Variants in MYO16 observed in about 807,000 individuals in gnomAD.
MYO16 encodes the protein myosin XVI, also known as unconventional myosin-XVI.
A neutral mutation model predicts 205.3 loss-of-function variants in MYO16; 94 were observed. That is an observed-to-expected ratio of 0.46 (90% CI 0.39 to 0.54). The LOEUF (loss-of-function observed/expected upper bound fraction) is 0.54, where lower values mean the gene tolerates loss of function less well. MYO16 is among the 20% of genes least tolerant of loss of function. The probability of loss-of-function intolerance (pLI) is 0.00; values close to 1 mark genes in which losing one functional copy is unlikely to be tolerated. For synonymous variants in MYO16, 988 were observed against 954.0 expected, an observed-to-expected ratio of 1.04 and a Z score of -0.66; for missense variants, 2,315 against 2,387.5, an observed-to-expected ratio of 0.97 and a Z score of 0.63.
chr13:108,624,784 A>AGT (rs6145237), upstream of MYO16, among the ~76,000 whole-genome samples: 135 of 90,846 alleles, frequency 1.5e-3, 1 homozygote, highest in African/African-American at 3.8e-3. Flanking sequence ...ATATAGCCTG[A>AGT]GTGTGTGTGT....
intron 15 of MYO16, among the ~76,000 whole-genome samples, chr13:108,899,359 G>T (rs1246474164): frequency 6.6e-6 from 1 of 151,642 alleles, no homozygotes; most frequent in Admixed American, 6.6e-5. Flanking sequence ...GGAGGCGGAG[G>T]TTGCAGTAAG....
At chr13:108,858,524 C>T (rs1057043742) in intron 11 of MYO16, among the ~76,000 whole-genome samples, 1 of 152,090 alleles carries the variant, frequency 6.6e-6, no homozygotes, top group Non-Finnish European at 1.5e-5. Flanking sequence ...TCCTTCCACA[C>T]CCCACATCTG....
At chr13:108,740,824 T>C (rs554062387) in intron 4 of MYO16, among the ~76,000 whole-genome samples, 7 of 151,624 alleles carry the variant, frequency 4.6e-5, no homozygotes, top group African/African-American at 1.7e-4. Flanking sequence ...TACTCAAGCC[T>C]CAGCAATGGC....
upstream of MYO16, among the ~76,000 whole-genome samples, chr13:108,624,626 C>A (rs1879663578): frequency 6.6e-6 from 1 of 152,256 alleles, no homozygotes; most frequent in East Asian, 1.9e-4. Context: ...AAGTGAAAAA[C>A]CTTACAAATG....
intron 20 of MYO16, among the ~76,000 whole-genome samples, chr13:108,968,953 G>A (rs1051409885): frequency 5.3e-5 from 8 of 152,170 alleles, no homozygotes; most frequent in Admixed American, 2.6e-4. Flanking sequence ...AGCTAAAGGG[G>A]CTTCCTTTTC....
chr13:108,893,776 A>C (rs989940110), intron 14 of MYO16, among the ~76,000 whole-genome samples: 3 of 152,176 alleles, frequency 2.0e-5, no homozygotes, highest in Admixed American at 6.5e-5. Flanking sequence ...TGTAGCAAGC[A>C]CACAAACTGT....
At chr13:108,809,667 A>C (rs1887224660) in intron 7 of MYO16, among the ~76,000 whole-genome samples, 1 of 152,164 alleles carries the variant, frequency 6.6e-6, no homozygotes, top group Non-Finnish European at 1.5e-5. Context: ...CTGCCCCATG[A>C]CCCAATCACC....
intron 16 of MYO16, among the ~76,000 whole-genome samples, chr13:108,932,645 C>T (rs1376694883): frequency 1.3e-5 from 2 of 152,108 alleles, no homozygotes; most frequent in Non-Finnish European, 2.9e-5. Context: ...ATTTATTTTC[C>T]CACCCAGTAT....
chr13:108,812,143 T>C (rs1379290508), intron 7 of MYO16, among the ~76,000 whole-genome samples: 3 of 152,210 alleles, frequency 2.0e-5, no homozygotes, highest in Non-Finnish European at 2.9e-5. Flanking sequence ...CACGGCTACA[T>C]TGAGATGTCA....
chr13:108,676,697 G>A (rs1173044469), intron 2 of MYO16, among the ~76,000 whole-genome samples: 1 of 152,184 alleles, frequency 6.6e-6, no homozygotes, highest in Non-Finnish European at 1.5e-5. Context: ...TGACACTGCT[G>A]CAAGTTACGG....
At chr13:108,797,647 G>A (rs1449917832) in intron 6 of MYO16, among the ~76,000 whole-genome samples, 1 of 152,164 alleles carries the variant, frequency 6.6e-6, no homozygotes, top group Non-Finnish European at 1.5e-5. Context: ...AGTTTCAGTG[G>A]ACTAGTAGGG....
At chr13:108,798,208 C>A (rs766177774) in intron 6 of MYO16, among the ~76,000 whole-genome samples, 20 of 135,522 alleles carry the variant, frequency 1.5e-4, no homozygotes, top group Non-Finnish European at 2.6e-4. Context: ...GTGTATTTAT[C>A]TATTGTGGAG....
At position 108,727,626 on chromosome 13, in the gene MYO16, A is replaced by G. The variant is rs754370411; in HGVS notation, c.507+43A>G. On this transcript the variant is annotated intron_variant, in intron 4 of 34. Coordinates refer to ENST00000457511, the MANE Select transcript of MYO16 (RefSeq NM_001198950.3). ...GTTTACCATTTGAAGATTTGATGGC[A>G]TGTAAAAGGCTATATATTTAACTAA... 5 of 1,583,312 alleles carry G rather than the reference A, an allele frequency of 3.2e-6. No homozygotes were observed. The South Asian group carries it at 4.6e-5, about 15-fold the overall frequency.
intron 32 of MYO16, among the ~76,000 whole-genome samples, chr13:109,160,159 G>A (rs1878307475): frequency 1.3e-5 from 2 of 152,196 alleles, no homozygotes; most frequent in Non-Finnish European, 2.9e-5. Context: ...AACTAAAAAT[G>A]TCTCCAGACA....
At chr13:108,846,855 C>T (rs1270461633) in intron 10 of MYO16, among the ~76,000 whole-genome samples, 3 of 152,030 alleles carry the variant, frequency 2.0e-5, no homozygotes, top group Non-Finnish European at 4.4e-5. Flanking sequence ...TTCAAATTAA[C>T]TAACATTCAA....
intron 6 of MYO16, among the ~76,000 whole-genome samples, chr13:108,800,799 A>G (rs1006864577): frequency 3.9e-5 from 6 of 152,202 alleles, no homozygotes; most frequent in African/African-American, 1.2e-4. Context: ...AAGCTTCAGT[A>G]AGAACAGATC....
intron 27 of MYO16, among the ~76,000 whole-genome samples, chr13:109,073,687 A>G (rs889389316): frequency 2.6e-5 from 4 of 152,240 alleles, no homozygotes; most frequent in African/African-American, 4.8e-5. Context: ...TGTTATATAC[A>G]TTGACCAAAT....
At chr13:108,525,162 C>T in the MYO16 span, among the ~76,000 whole-genome samples, 3 of 152,232 alleles carry the variant, frequency 2.0e-5, no homozygotes, top group South Asian at 2.1e-4. Flanking sequence ...CACGAGATAA[C>T]GTGTGATGAG....
At chr13:108,551,031 AAAC>A in the MYO16 span, among the ~76,000 whole-genome samples, 3 of 152,296 alleles carry the variant, frequency 2.0e-5, no homozygotes, top group South Asian at 6.2e-4. Flanking sequence ...TATGATACCG[AAAC>A]AACATTGTTG....
Sources: gnomAD v4.1 joint callset for allele counts (sites outside exome capture counted in the v4.1 genomes callset) on GRCh38, gnomAD v4.1.1 for gene constraint, MANE v1.5 for transcripts, NCBI Gene and HGNC (gene_info 2026-07-23, HGNC 2026-07-21) for gene names.